Variants in LMNTD1 observed in about 807,000 individuals in gnomAD.
The protein encoded by LMNTD1 is lamin tail domain-containing protein 1.
In LMNTD1, 35 loss-of-function variants were observed where a neutral mutation model predicts 50.9. The observed-to-expected ratio is 0.69, with a 90% CI of 0.53 to 0.91. LMNTD1 has a LOEUF of 0.91. Ranked by LOEUF, LMNTD1 falls within the 40% of genes least tolerant of loss-of-function variation. The pLI is 0.00. For synonymous variants in LMNTD1, 153 were observed against 161.9 expected (o/e 0.94, Z 0.42); for missense variants, 470 against 475.5 (o/e 0.99, Z 0.11).
rs149238557 is a variant in LMNTD1, at chr12:25,635,144, G to A, written c.58+13350C>T. On this transcript the variant is annotated intron_variant, in intron 1 of 7. Transcript: ENST00000445693. ...AATCCCAGCTACTCTGGAGGCTGAG[G>A]GGGGAGAATCGCTTAAACCCAGGAG... is the stretch of plus-strand genomic sequence containing the variant. 5.7e-3 allele frequency among the ~76,000 whole-genome samples: 869 copies of A among 151,908 alleles called. 12 individuals are homozygous for A. The highest frequency in any genetic ancestry group is 0.043 in the South Asian group (208 of 4,804).
intron 1 of LMNTD1, among the ~76,000 whole-genome samples, chr12:25,602,620 C>T (rs1158936122): frequency 6.6e-6 from 1 of 152,006 alleles, no homozygotes; most frequent in Non-Finnish European, 1.5e-5. Context: ...CAGAAGTTTA[C>T]TTCCCAAGAA....
intron 4 of LMNTD1, among the ~76,000 whole-genome samples, chr12:25,540,031 G>C (rs1942941449): frequency 1.4e-5 from 2 of 138,900 alleles, no homozygotes; most frequent in Admixed American, 1.5e-4. Context: ...CCAGGAAGAA[G>C]TTGAATCTCT....
intron 8 of LMNTD1, among the ~76,000 whole-genome samples, chr12:25,516,827 C>G (rs530356282): frequency 1.3e-5 from 2 of 151,544 alleles, no homozygotes; most frequent in African/African-American, 4.8e-5. Flanking sequence ...GGGCTAACAT[C>G]CAGAATCTAC....
At chr12:25,619,252 C>CTCTCTCTCTATATA (rs1374134268) in intron 1 of LMNTD1, among the ~76,000 whole-genome samples, 16 of 84,432 alleles carry the variant, frequency 1.9e-4, no homozygotes, top group African/African-American at 5.6e-4. Flanking sequence ...CTCTCTCTCT[C>CTCTCTCTCTATATA]TATATATATA....
intron 1 of LMNTD1, among the ~76,000 whole-genome samples, chr12:25,591,854 A>AGAGAGAGG (rs1246172417): frequency 6.8e-6 from 1 of 148,034 alleles, no homozygotes; most frequent in Non-Finnish European, 1.5e-5. Flanking sequence ...AGAGAGAGAG[A>AGAGAGAGG]GAGACTCTAT....
intron 1 of LMNTD1, among the ~76,000 whole-genome samples, chr12:25,606,694 G>T (rs1435512073): frequency 6.6e-6 from 1 of 152,162 alleles, no homozygotes; most frequent in Non-Finnish European, 1.5e-5. Context: ...ACTTGATCAT[G>T]GTGGATAAGC....
intron 4 of LMNTD1, among the ~76,000 whole-genome samples, chr12:25,528,789 A>G (rs12581488): frequency 0.18 from 26,615 of 151,988 alleles, 2,676 homozygotes; most frequent in African/African-American, 0.27. Flanking sequence ...TCAGCAACTC[A>G]GTACCCTCAT....
chr12:25,503,507 A>G (rs1939504950), intron 9 of LMNTD1, among the ~76,000 whole-genome samples: 1 of 152,184 alleles, frequency 6.6e-6, no homozygotes, highest in Admixed American at 6.5e-5. Flanking sequence ...ATATGGGGCA[A>G]AAAGTAAAGA....
intron 1 of LMNTD1, among the ~76,000 whole-genome samples, chr12:25,612,244 A>G (rs1242953293): frequency 6.6e-6 from 1 of 151,886 alleles, no homozygotes; most frequent in Non-Finnish European, 1.5e-5. Flanking sequence ...AAAAAAGTAT[A>G]TCATTTCCTA....
At chr12:25,645,658 C>T (rs1444376964) in intron 1 of LMNTD1, among the ~76,000 whole-genome samples, 1 of 152,180 alleles carries the variant, frequency 6.6e-6, no homozygotes, top group Non-Finnish European at 1.5e-5. Context: ...ACAGCAACAT[C>T]ACAGCACAAG....
At position 25,519,586 on chromosome 12, in the gene LMNTD1, T is replaced by TTAAAAAAAAAAAAAA. The variant is rs781742784; in HGVS notation, c.1016+271_1016+272insTTTTTTTTTTTTTTA. 1.6e-3 allele frequency among the ~76,000 whole-genome samples: 121 copies of TTAAAAAAAAAAAAAA among 74,932 alleles called. 7 individuals are homozygous for TTAAAAAAAAAAAAAA. Among genetic ancestry groups the TTAAAAAAAAAAAAAA allele is most frequent in the South Asian group, 3.2e-3 (6 of 1,852 alleles). The allele number at this position is 74,932 out of a possible 152,430, so 49.2% of individuals were successfully genotyped here. A position where few individuals can be genotyped will look rare whatever the true frequency, so the allele number is the denominator to read the frequency against. On this transcript the variant is annotated intron_variant, in intron 7 of 9. Coordinates refer to ENST00000458174, the MANE Select transcript of LMNTD1 (RefSeq NM_001145728.2). ...CTGGGTGACAGAGCGAGACTCTGTC[T>TTAAAAAAAAAAAAAA]CAAAAAAAAAAAAAAAAAAAAAGTG...
At position 25,646,134 on chromosome 12, in the gene LMNTD1, T is replaced by A. The variant is rs549306150; in HGVS notation, c.58+2360A>T. Among the ~76,000 whole-genome samples, 48 of 152,218 alleles carry A rather than the reference T, an allele frequency of 3.2e-4. 1 individual carries two copies. In the Middle Eastern group the frequency reaches 0.01, roughly 32 times the overall value. On this transcript the variant is annotated intron_variant, in intron 1 of 7. Coordinates refer to the LMNTD1 transcript ENST00000445693. ...TCACAATACCTGGGTTAATTTTTTT[T>A]AAATAAATAGTAAACCCCAAGCTAT...
chr12:25,581,793 CT>C (rs1945302323), intron 1 of LMNTD1, among the ~76,000 whole-genome samples: 2 of 152,200 alleles, frequency 1.3e-5, no homozygotes, highest in African/African-American at 4.8e-5. Flanking sequence ...CCTATTGCCC[CT>C]AGGCTACAAA....
intron 1 of LMNTD1, among the ~76,000 whole-genome samples, chr12:25,620,328 A>G (rs1432043965): frequency 6.6e-6 from 1 of 151,932 alleles, no homozygotes; most frequent in Admixed American, 6.5e-5. Flanking sequence ...TCTCAATTCC[A>G]ATTTTCACAG....
chr12:25,489,751 T>G (rs1335449512), intron 9 of LMNTD1, among the ~76,000 whole-genome samples: 1 of 152,164 alleles, frequency 6.6e-6, no homozygotes, highest in Non-Finnish European at 1.5e-5. Flanking sequence ...CTGGTGATAT[T>G]ATTGAAAAAT....
chr12:25,515,472 T>C (rs935082244), intron 8 of LMNTD1, among the ~76,000 whole-genome samples: 4 of 152,062 alleles, frequency 2.6e-5, no homozygotes, highest in Non-Finnish European at 5.9e-5. Context: ...TCCATATGCA[T>C]GTAAACAAAG....
At chr12:25,615,132 C>T (rs188528818) in intron 1 of LMNTD1, among the ~76,000 whole-genome samples, 10 of 152,130 alleles carry the variant, frequency 6.6e-5, no homozygotes, top group Admixed American at 5.9e-4. Flanking sequence ...AAATGAGGCT[C>T]AGCTAAAAGG....
intron 8 of LMNTD1, among the ~76,000 whole-genome samples, chr12:25,515,772 C>T (rs1940713577): frequency 6.6e-6 from 1 of 152,000 alleles, no homozygotes; most frequent in Non-Finnish European, 1.5e-5. Context: ...TCCTCTGTAG[C>T]ATATTTGAGA....
intron 5 of LMNTD1, 92 bp from the exon 6 acceptor site, chr12:25,526,310 G>T: frequency 8.1e-7 from 1 of 1,228,132 alleles, no homozygotes; most frequent in Non-Finnish European, 1.1e-6. Context: ...TTTCTGAACA[G>T]ATGAGGTTTT....
Sources: allele counts gnomAD v4.1 joint callset (sites outside exome capture counted in the v4.1 genomes callset), GRCh38; gene constraint gnomAD v4.1.1; transcripts MANE v1.5; gene names NCBI Gene and HGNC (gene_info 2026-07-23, HGNC 2026-07-21).